BICD1: variants seen among roughly 807,000 people sequenced by gnomAD.
BICD1 encodes BICD cargo adaptor 1.
Under a neutral mutation model 92.5 loss-of-function variants are expected in BICD1, and 35 were observed. The observed-to-expected ratio is 0.38, with a 90% confidence interval of 0.29 to 0.50. The LOEUF (loss-of-function observed/expected upper bound fraction) is 0.50, where lower values mean the gene tolerates loss of function less well. BICD1 is among the 20% of genes least tolerant of loss of function. BICD1 has a pLI of 0.93. For missense variants in BICD1, 950 were observed against 1,189.8 expected (o/e 0.80, Z 2.97); for synonymous variants, 429 against 465.1 (o/e 0.92, Z 1.00).
intron 8 of BICD1, among the ~76,000 whole-genome samples, chr12:32,342,517 C>T (rs1471642067): frequency 6.6e-6 from 1 of 151,852 alleles, no homozygotes; most frequent in Non-Finnish European, 1.5e-5. Context: ...TCCCAAAGTG[C>T]TGGGATTACA....
At chr12:32,144,642 C>T (rs1395382831) in intron 1 of BICD1, among the ~76,000 whole-genome samples, 1 of 152,216 alleles carries the variant, frequency 6.6e-6, no homozygotes, top group East Asian at 1.9e-4. Flanking sequence ...TTAGTAATTG[C>T]TTTCATTAAT....
At chr12:32,156,618 G>T (rs938598284) in intron 1 of BICD1, among the ~76,000 whole-genome samples, 3 of 152,130 alleles carry the variant, frequency 2.0e-5, no homozygotes, top group Non-Finnish European at 4.4e-5. Flanking sequence ...TTTGCTTTTT[G>T]GTCTTCTGGG....
At chr12:32,208,937 C>T (rs1282137663) in intron 1 of BICD1, among the ~76,000 whole-genome samples, 1 of 152,032 alleles carries the variant, frequency 6.6e-6, no homozygotes, top group Non-Finnish European at 1.5e-5. Flanking sequence ...GATTCTCCTG[C>T]GATTCTCCTG....
chr12:32,306,558 A>C (rs1259915444), intron 4 of BICD1, among the ~76,000 whole-genome samples: 1 of 151,966 alleles, frequency 6.6e-6, no homozygotes, highest in African/African-American at 2.4e-5. Flanking sequence ...TTTCTTTTCT[A>C]AATATTGCTT....
chr12:32,326,850 T>A (rs1948788314), intron 4 of BICD1, among the ~76,000 whole-genome samples: 2 of 152,196 alleles, frequency 1.3e-5, no homozygotes, highest in Non-Finnish European at 2.9e-5. Context: ...GCCACTGCAC[T>A]CCAGTGTGGG....
intron 1 of BICD1, among the ~76,000 whole-genome samples, chr12:32,215,087 G>A (rs1945313182): frequency 6.6e-6 from 1 of 152,018 alleles, no homozygotes; most frequent in Non-Finnish European, 1.5e-5. Flanking sequence ...AAATTAGCTG[G>A]GCATGGTGAT....
chr12:32,278,406 A>G (rs189112322), intron 2 of BICD1, among the ~76,000 whole-genome samples: 1 of 152,338 alleles, frequency 6.6e-6, no homozygotes, highest in East Asian at 1.9e-4. Flanking sequence ...TAACCAATCT[A>G]CTTTGGGAAA....
intron 8 of BICD1, among the ~76,000 whole-genome samples, chr12:32,341,359 C>CA (rs1205080920): frequency 6.6e-6 from 1 of 150,462 alleles, no homozygotes; most frequent in African/African-American, 2.5e-5. Context: ...CCCAGCTACT[C>CA]AGGAGGCTAA....
chr12:32,228,547 T>C (rs752779420), intron 2 of BICD1, among the ~76,000 whole-genome samples: 5 of 152,194 alleles, frequency 3.3e-5, no homozygotes, highest in Non-Finnish European at 7.3e-5. Context: ...AACCTGACTT[T>C]ATTGAGGCAA....
chr12:32,174,935 G>A (rs571358222), intron 1 of BICD1, among the ~76,000 whole-genome samples: 3 of 152,074 alleles, frequency 2.0e-5, no homozygotes, highest in South Asian at 2.1e-4. Flanking sequence ...TTAAATATGC[G>A]TTTTGTTGTC....
intron 3 of BICD1, 105 bp from the exon 4 acceptor site, chr12:32,305,592 C>G (rs1948189826): frequency 2.1e-6 from 2 of 960,236 alleles, no homozygotes; most frequent in Non-Finnish European, 3.0e-6. Flanking sequence ...TTTTTAGACT[C>G]ATGTTGTATT....
rs199528142 is a variant in BICD1 at position 32,294,130 on chromosome 12, C to T, written c.563C>T (p.Thr188Met). 8 of 1,601,022 alleles carry T rather than the reference C, an allele frequency of 5.0e-6. No homozygotes were observed. Among genetic ancestry groups the T allele is most frequent in the Admixed American group, 1.8e-5 (1 of 55,548 alleles). The change falls in exon 3 of 10, where the codon ACG (threonine) becomes ATG (methionine). Residue 188 changes from threonine (T) to methionine (M), a missense_variant. Thr to Met is a moderately conservative substitution (Grantham distance 81, BLOSUM62 -1). Around this residue, in one of 5 missense-constraint regions of BICD1, gnomAD observed 14 missense variants for 40.0 expected, o/e 0.35. Coordinates refer to ENST00000652176, the MANE Select transcript of BICD1 (RefSeq NM_001714.4). ...ATCACATTGCAGAAACTAGTGTCCA[C>T]GTTGAAGCAGAACCAGGTAAGGTTT... ...ENITLQKLVSTLKQNQVEYEG... is the reference protein window; with the variant it reads ...ENITLQKLVSMLKQNQVEYEG...
At chr12:32,293,130 G>T (rs1708354407) in intron 2 of BICD1, among the ~76,000 whole-genome samples, 1 of 152,130 alleles carries the variant, frequency 6.6e-6, no homozygotes, top group Admixed American at 6.6e-5. Context: ...GCTATTGACA[G>T]TTTTCTGGAT....
Position 32,327,900 on chromosome 12 carries a change from A to G in BICD1, c.1445A>G (p.His482Arg). The G allele has an allele frequency of 6.2e-7, 1 of 1,614,208 alleles. No homozygotes were observed. Among genetic ancestry groups the G allele is most frequent in the Non-Finnish European group, 8.5e-7 (1 of 1,180,044 alleles). ...AAGGAGAGTGGTGAGAAGATGGCCCACATGGAGAAGGAGTTGCAAAAGATG... is the reference window on the plus strand; with the variant it reads ...AAGGAGAGTGGTGAGAAGATGGCCCGCATGGAGAAGGAGTTGCAAAAGATG... ...TTKESGEKMA[H>R]MEKELQKMTS... Residue 482 changes from histidine to arginine, a missense_variant, in exon 5 of 10, where the codon CAC becomes CGC. His to Arg is a conservative substitution (Grantham distance 29). Transcript: ENST00000652176.
At chr12:32,182,886 CTTTCTTTT>C (rs1361919988) in intron 1 of BICD1, among the ~76,000 whole-genome samples, 2 of 80,402 alleles carry the variant, frequency 2.5e-5, no homozygotes, top group Non-Finnish European at 4.8e-5. Context: ...TCTTTTCTTT[CTTTCTTTT>C]TTTTTTTTTT....
chr12:32,302,879 C>CCT (rs747478230), intron 3 of BICD1, among the ~76,000 whole-genome samples: 1 of 45,688 alleles, frequency 2.2e-5, no homozygotes, highest in African/African-American at 4.9e-5. Flanking sequence ...TTCCAATGAC[C>CCT]ATTTTTTTTT....
In BICD1 at chr12:32,135,386, C is replaced by CT. The variant is rs71064999; in HGVS notation, c.213+27872dup. 9.7e-3 allele frequency among the ~76,000 whole-genome samples: 433 copies of CT among 44,834 alleles called. 91 individuals are homozygous for CT. The highest frequency in any genetic ancestry group is 0.032 in the African/African-American group (311 of 9,578). The allele number at this position is 44,834 out of a possible 152,430, so 29.4% of individuals were successfully genotyped here. On this transcript the variant is annotated intron_variant, in intron 1 of 9. Coordinates refer to ENST00000652176, the MANE Select transcript of BICD1 (RefSeq NM_001714.4). ...TACAGGCATGAGCCACCATGCGTGG[C>CT]TTTTTTTTTTTTTTTTTTTTTTTTT...
intron 1 of BICD1, among the ~76,000 whole-genome samples, chr12:32,205,381 G>T (rs1859034120): frequency 1.3e-5 from 2 of 152,078 alleles, no homozygotes; most frequent in African/African-American, 4.8e-5. Context: ...GGTTCGTAAG[G>T]TTGAGAACCA....
chr12:32,145,889 G>T (rs549146268), intron 1 of BICD1, among the ~76,000 whole-genome samples: 8 of 152,224 alleles, frequency 5.3e-5, no homozygotes, highest in Middle Eastern at 6.8e-3. Flanking sequence ...AGTCTGAATT[G>T]TCAGCTTTGG....
Sources: gnomAD v4.1 joint callset for allele counts (sites outside exome capture counted in the v4.1 genomes callset) on GRCh38, gnomAD v4.1.1 for gene constraint, gnomAD v4.1.1 regional missense constraint, MANE v1.5 for transcripts, NCBI Gene and HGNC (gene_info 2026-07-23, HGNC 2026-07-21) for gene names.